Variants in PDE4B observed in about 807,000 individuals in gnomAD.
PDE4B encodes the protein phosphodiesterase 4B.
Under a neutral mutation model 82.2 loss-of-function variants are expected in PDE4B, and 20 were observed. The observed-to-expected ratio is 0.24, with a 90% CI of 0.17 to 0.35. The LOEUF (loss-of-function observed/expected upper bound fraction) is 0.35. PDE4B is among the 10% of genes least tolerant of loss of function. The probability of loss-of-function intolerance (pLI) is 1.00; values close to 1 mark genes in which losing one functional copy is unlikely to be tolerated. For missense variants in PDE4B, 655 were observed against 907.2 expected, an observed-to-expected ratio of 0.72 and a Z score of 3.57; for synonymous variants, 320 against 318.9, an observed-to-expected ratio of 1.00 and a Z score of -0.04.
chr1:66,072,597 T>A (rs952378673), intron 3 of PDE4B, among the ~76,000 whole-genome samples: 1 of 152,082 alleles, frequency 6.6e-6, no homozygotes, highest in African/African-American at 2.4e-5. Context: ...GTTTTGAGAA[T>A]CTTGGTGCCT....
At chr1:66,042,958 A>T (rs1280972408) in intron 3 of PDE4B, among the ~76,000 whole-genome samples, 4 of 151,724 alleles carry the variant, frequency 2.6e-5, no homozygotes, top group Non-Finnish European at 5.9e-5. Context: ...GCAGTCTATT[A>T]TGTTAAGTAG....
At chr1:65,877,460 A>G (rs1438399093) in intron 1 of PDE4B, among the ~76,000 whole-genome samples, 1 of 151,970 alleles carries the variant, frequency 6.6e-6, no homozygotes, top group Non-Finnish European at 1.5e-5. Context: ...CTAAAAATAC[A>G]AAGAATTAGC....
chr1:66,014,146 GTGT>G (rs1302058055), intron 3 of PDE4B, among the ~76,000 whole-genome samples: 1 of 151,994 alleles, frequency 6.6e-6, no homozygotes, highest in Admixed American at 6.6e-5. Flanking sequence ...TTGGCTTGCT[GTGT>G]TGTTGTTGAG....
At chr1:65,907,214 C>T (rs960589987) in intron 1 of PDE4B, among the ~76,000 whole-genome samples, 3 of 152,122 alleles carry the variant, frequency 2.0e-5, no homozygotes, top group Admixed American at 2.0e-4. Flanking sequence ...GCAGCAATAA[C>T]TGAGTGCAGT....
chr1:66,319,667 A>C (rs986671038), intron 7 of PDE4B, among the ~76,000 whole-genome samples: 1 of 152,244 alleles, frequency 6.6e-6, no homozygotes, highest in African/African-American at 2.4e-5. Flanking sequence ...TGTAGTGACC[A>C]GAAGACATGA....
chr1:65,954,824 C>G (rs1489229807), intron 3 of PDE4B, among the ~76,000 whole-genome samples: 1 of 151,904 alleles, frequency 6.6e-6, no homozygotes, highest in East Asian at 1.9e-4. Context: ...TTTTCTATTT[C>G]CTTTTTCTAA....
intron 7 of PDE4B, among the ~76,000 whole-genome samples, chr1:66,323,827 C>T (rs960165991): frequency 2.0e-5 from 3 of 152,076 alleles, no homozygotes; most frequent in African/African-American, 7.2e-5. Flanking sequence ...CCCCAGAGAC[C>T]AAGCTTTTAA....
chr1:65,910,915 A>C (rs1647082633), intron 1 of PDE4B, among the ~76,000 whole-genome samples: 1 of 152,190 alleles, frequency 6.6e-6, no homozygotes, highest in Non-Finnish European at 1.5e-5. Context: ...TCCAGAAAAC[A>C]ATCAATCTAT....
chr1:65,820,030 T>A (rs1231569640), intron 1 of PDE4B, among the ~76,000 whole-genome samples: 1 of 152,178 alleles, frequency 6.6e-6, no homozygotes, highest in African/African-American at 2.4e-5. Context: ...GTCAGATATT[T>A]CAGGGGAGTT....
chr1:65,855,983 A>G (rs1183663411), intron 1 of PDE4B, among the ~76,000 whole-genome samples: 1 of 152,098 alleles, frequency 6.6e-6, no homozygotes, highest in Non-Finnish European at 1.5e-5. Context: ...TTTTGTTTAC[A>G]GTGGGAGACT....
Position 66,107,148 on chromosome 1 carries a change from C to T in PDE4B, c.282-140312C>T, listed in dbSNP as rs565612425. On this transcript the variant is annotated intron_variant, in intron 3 of 16. Transcript: ENST00000341517. ...TTCTGGTATGTTGTGTCTTTGTTCT[C>T]GTTGGTTTCAAAGAACATCTGTATT... is the stretch of plus-strand genomic sequence containing the variant. Among the ~76,000 whole-genome samples, 39 of 151,270 alleles carry T rather than the reference C, an allele frequency of 2.6e-4. 2 individuals carry two copies. The South Asian group carries it at 8.3e-3, about 32-fold the overall frequency.
chr1:66,117,939 T>A (rs1477336922), intron 3 of PDE4B, among the ~76,000 whole-genome samples: 6 of 152,164 alleles, frequency 3.9e-5, no homozygotes, highest in Non-Finnish European at 8.8e-5. Flanking sequence ...AGTGTAAAAG[T>A]GTTCCTATTT....
At chr1:66,126,031 C>G (rs1645815717) in intron 3 of PDE4B, among the ~76,000 whole-genome samples, 1 of 152,120 alleles carries the variant, frequency 6.6e-6, no homozygotes, top group African/African-American at 2.4e-5. Context: ...GTCTCGAACT[C>G]CTGACCTCAG....
chr1:65,845,716 C>T (rs1355935232), intron 1 of PDE4B, among the ~76,000 whole-genome samples: 2 of 152,112 alleles, frequency 1.3e-5, no homozygotes, highest in Non-Finnish European at 1.5e-5. Context: ...GAGCGATATC[C>T]ACCTAAGTGC....
intron 1 of PDE4B, among the ~76,000 whole-genome samples, chr1:65,875,100 A>G (rs1281460746): frequency 6.6e-6 from 1 of 152,076 alleles, no homozygotes. Context: ...AAACAAATGT[A>G]CAAGAAAAAA....
chr1:65,843,752 A>G (rs1300592579), intron 1 of PDE4B, among the ~76,000 whole-genome samples: 1 of 152,156 alleles, frequency 6.6e-6, no homozygotes, highest in Non-Finnish European at 1.5e-5. Flanking sequence ...TTATTCTTCC[A>G]AAAATTTTAA....
intron 3 of PDE4B, among the ~76,000 whole-genome samples, chr1:66,009,894 G>A (rs2100734802): frequency 7.1e-6 from 1 of 140,122 alleles, no homozygotes; most frequent in South Asian, 2.4e-4. Flanking sequence ...ATATCCATAT[G>A]ATCTGTATCT....
intron 3 of PDE4B, chr1:66,050,468 A>C (rs1471242666): frequency 6.6e-6 from 1 of 152,096 alleles, no homozygotes; most frequent in Non-Finnish European, 1.5e-5. Flanking sequence ...ATATATATTT[A>C]GTGATTTTAC....
At chr1:66,308,440 A>T (rs1309329417) in intron 7 of PDE4B, among the ~76,000 whole-genome samples, 3 of 152,156 alleles carry the variant, frequency 2.0e-5, no homozygotes, top group African/African-American at 7.2e-5. Context: ...TGTAACCACT[A>T]CCCAGACCAA....
Sources: gnomAD v4.1 joint callset for allele counts (sites outside exome capture counted in the v4.1 genomes callset) on GRCh38, gnomAD v4.1.1 for gene constraint, MANE v1.5 for transcripts, NCBI Gene and HGNC (gene_info 2026-07-23, HGNC 2026-07-21) for gene names.